The following COL4A2 variants were observed in gnomAD, a reference collection of about 807,000 sequenced individuals.
COL4A2 encodes the protein collagen type IV alpha 2 chain, also known as collagen alpha-2(IV) chain.
In COL4A2, 99 loss-of-function variants were observed where a neutral mutation model predicts 200.2. That is an observed-to-expected ratio of 0.49 (90% CI 0.42 to 0.58). The LOEUF is 0.58. Among genes scored for constraint, COL4A2 ranks in the 20% least tolerant of loss-of-function variants. COL4A2 has a pLI of 0.00. For missense variants in COL4A2, 1,950 were observed against 2,314.1 expected, an observed-to-expected ratio of 0.84 and a Z score of 3.23; for synonymous variants, 897 against 900.6, an observed-to-expected ratio of 1.00 and a Z score of 0.07.
At chr13:110,404,053 C>T (rs563168365) in intron 4 of COL4A2, among the ~76,000 whole-genome samples, 36 of 152,298 alleles carry the variant, frequency 2.4e-4, no homozygotes, top group African/African-American at 8.2e-4. Flanking sequence ...GCTGTACCCC[C>T]AGGACCTACT....
intron 25 of COL4A2, 29 bp from the exon 26 acceptor site, chr13:110,465,974 C>G (rs1882224447): frequency 1.2e-6 from 2 of 1,607,618 alleles, no homozygotes; most frequent in East Asian, 4.5e-5. Flanking sequence ...TCAAAATTGC[C>G]TCACTCTGTC....
chr13:110,421,047 T>G (rs1880230324), intron 4 of COL4A2, among the ~76,000 whole-genome samples: 1 of 152,204 alleles, frequency 6.6e-6, no homozygotes, highest in Non-Finnish European at 1.5e-5. Flanking sequence ...GATGCCATCT[T>G]GACACTTACT....
At chr13:110,317,617 G>A (rs1051753719) in intron 3 of COL4A2, among the ~76,000 whole-genome samples, 15 of 152,188 alleles carry the variant, frequency 9.9e-5, no homozygotes, top group Non-Finnish European at 2.1e-4. Context: ...GGCCCTTAAA[G>A]GATGACCAAG....
chr13:110,482,771 G>A, intron 32 of COL4A2, 112 bp downstream of exon 32: 2 of 1,140,634 alleles, frequency 1.8e-6, no homozygotes, highest in Non-Finnish European at 2.5e-6. Flanking sequence ...ATGCATCCAG[G>A]AACCCTAAAG....
chr13:110,414,925 G>A (rs970224011), intron 4 of COL4A2, among the ~76,000 whole-genome samples: 2 of 152,318 alleles, frequency 1.3e-5, no homozygotes. Context: ...CTGTATGGTA[G>A]AATTTTTTTT....
Position 110,340,208 on chromosome 13 carries a change from C to T in COL4A2, c.100-17264C>T, listed in dbSNP as rs1022820310. On this transcript the variant is annotated intron_variant, in intron 3 of 47. Transcript: ENST00000360467. ...TCTCAGCTCACTGCAGCCTCCGCCT[C>T]CTGGGTTCAAGCAGTTCCCTGCCTC... 1.0e-3 allele frequency among the ~76,000 whole-genome samples: 156 copies of T among 152,286 alleles called. 1 individual carries two copies. Among genetic ancestry groups the T allele is most frequent in the Non-Finnish European group, 4.4e-5 (3 of 68,024 alleles).
chr13:110,335,293 A>G (rs1330176936), intron 3 of COL4A2, among the ~76,000 whole-genome samples: 1 of 152,020 alleles, frequency 6.6e-6, no homozygotes, highest in Non-Finnish European at 1.5e-5. Flanking sequence ...CTCAAATCTC[A>G]TCTTGAATTG....
At chr13:110,341,289 C>T (rs1421476852) in intron 3 of COL4A2, among the ~76,000 whole-genome samples, 1 of 152,254 alleles carries the variant, frequency 6.6e-6, no homozygotes, top group African/African-American at 2.4e-5. Context: ...TGCTTTCTGT[C>T]ATGTTCCCAC....
At chr13:110,449,877 G>A (rs775016846) in intron 19 of COL4A2, 88 bp downstream of exon 19, 43 of 1,370,332 alleles carry the variant, frequency 3.1e-5, no homozygotes, top group South Asian at 7.8e-5. Flanking sequence ...CGTTGACGAC[G>A]TAGCTATGTC....
intron 16 of COL4A2, among the ~76,000 whole-genome samples, chr13:110,441,415 A>G (rs1037363958): frequency 1.3e-5 from 2 of 152,186 alleles, no homozygotes; most frequent in African/African-American, 4.8e-5. Context: ...AATCTTGATG[A>G]CTTCCTGCAA....
At position 110,487,167 on chromosome 13, in the gene COL4A2, G is replaced by A. The variant is rs536822729; in HGVS notation, c.3207+1331G>A. Among the ~76,000 whole-genome samples, 494 of 152,270 alleles carry A rather than the reference G, an allele frequency of 3.2e-3. 5 individuals carry two copies. The highest frequency in any genetic ancestry group is 3.7e-3 in the Non-Finnish European group (249 of 68,014). ...TCAGGTCACTTTAAAAAAGAAAGATGCCAGCCAGGTGCAGTGGCTCTTGCC... is the reference window on the plus strand; with the variant it reads ...TCAGGTCACTTTAAAAAAGAAAGATACCAGCCAGGTGCAGTGGCTCTTGCC... On this transcript the variant is annotated intron_variant, in intron 34 of 47. Transcript: ENST00000360467.
At position 110,342,175 on chromosome 13, in the gene COL4A2, T is replaced by G. The variant is rs117353040; in HGVS notation, c.100-15297T>G. 7.9e-3 allele frequency among the ~76,000 whole-genome samples: 1,202 copies of G among 152,310 alleles called. 12 individuals are homozygous for G. Among genetic ancestry groups the G allele is most frequent in the Non-Finnish European group, 0.012 (796 of 68,018 alleles). ...GAATTTTTTAAAAGAAAGAGAGAGA[T>G]AGAATAAAGAAAGCTAAGAATTTGA... is the stretch of plus-strand genomic sequence containing the variant. On this transcript the variant is annotated intron_variant, in intron 3 of 47. Transcript: ENST00000360467.
At chr13:110,487,652 G>C (rs562475929) in intron 34 of COL4A2, among the ~76,000 whole-genome samples, 9 of 152,202 alleles carry the variant, frequency 5.9e-5, no homozygotes, top group Non-Finnish European at 1.3e-4. Context: ...AGCAATAAAT[G>C]AGAATTCTTG....
In COL4A2 at chr13:110,503,434, TG is replaced by T; in HGVS notation, c.4094del (p.Gly1365AlafsTer94). ...GGGAACACTGGACCCACTGGGGCGG[TG>T]GGCGACAGAGGCCCCAAGGGACCCA... The part of the protein sequence containing the change: ...FMGNTGPTGA[V>X]GDRGPKGPKG... On this transcript the variant is annotated frameshift_variant, in exon 43 of 48. Coordinates refer to ENST00000360467, the MANE Select transcript of COL4A2 (RefSeq NM_001846.4). LOFTEE classifies it high-confidence loss of function. The T allele has an allele frequency of 6.3e-7, 1 of 1,588,498 alleles. No homozygotes were observed. The highest frequency in any genetic ancestry group is 8.6e-7 in the Non-Finnish European group (1 of 1,166,782).
In COL4A2 at chr13:110,506,448, C is replaced by T. The variant is rs377115391; in HGVS notation, c.4436C>T (p.Pro1479Leu). The part of the protein sequence containing the change: ...APGRPGSPGL[P>L]GMPGRSVSIG... ...GGCCGTCCAGGGAGCCCGGGCCTGCCGGGTATGCCAGGCCGCAGCGTCAGC... is the reference window on the plus strand; with the variant it reads ...GGCCGTCCAGGGAGCCCGGGCCTGCTGGGTATGCCAGGCCGCAGCGTCAGC... The change falls in exon 46 of 48, where the codon CCG becomes CTG. Residue 1479 changes from proline (P) to leucine (L), a missense_variant. Pro to Leu is a moderately conservative substitution (Grantham distance 98). Coordinates refer to ENST00000360467, the MANE Select transcript of COL4A2 (RefSeq NM_001846.4). 44 of 1,612,356 alleles carry T rather than the reference C, an allele frequency of 2.7e-5. No homozygotes were observed. The highest frequency in any genetic ancestry group is 1.9e-4 in the African/African-American group (14 of 74,904).
chr13:110,462,484 C>A, intron 24 of COL4A2, 100 bp downstream of exon 24: 4 of 1,130,590 alleles, frequency 3.5e-6, no homozygotes, highest in African/African-American at 1.5e-5. Flanking sequence ...AGCACTAAAC[C>A]AACCTGTGCA....
At chr13:110,410,027 T>TA (rs1410887766) in intron 4 of COL4A2, among the ~76,000 whole-genome samples, 1 of 152,236 alleles carries the variant, frequency 6.6e-6, no homozygotes, top group African/African-American at 2.4e-5. Context: ...CACTCGGTGT[T>TA]ACTGTGGACA....
At chr13:110,501,999 G>A (rs1883659752) in intron 41 of COL4A2, among the ~76,000 whole-genome samples, 2 of 152,202 alleles carry the variant, frequency 1.3e-5, no homozygotes, top group Admixed American at 1.3e-4. Flanking sequence ...TCATTTACTT[G>A]CTGTAATAGC....
At chr13:110,385,532 T>C (rs1404302758) in intron 4 of COL4A2, among the ~76,000 whole-genome samples, 5 of 109,722 alleles carry the variant, frequency 4.6e-5, no homozygotes. Context: ...TTACAGTGCG[T>C]GGATAGGCCG....
Sources: gnomAD v4.1 joint callset for allele counts (sites outside exome capture counted in the v4.1 genomes callset) on GRCh38, gnomAD v4.1.1 for gene constraint, MANE v1.5 for transcripts, NCBI Gene and HGNC (gene_info 2026-07-23, HGNC 2026-07-21) for gene names.